The following HDAC4 variants were observed in gnomAD, a reference collection of about 807,000 sequenced individuals.
HDAC4 encodes histone deacetylase A.
HDAC4 carries 16 observed loss-of-function variants against 135.1 expected under a neutral mutation model. The observed-to-expected ratio is 0.12, with a 90% CI of 0.08 to 0.18. HDAC4 has a LOEUF of 0.18. HDAC4 is among the 10% of genes least tolerant of loss of function. HDAC4 has a pLI of 1.00. For missense variants in HDAC4, 1,143 were observed against 1,511.8 expected (o/e 0.76, Z 4.05); for synonymous variants, 685 against 653.4 (o/e 1.05, Z -0.74).
chr2:239,187,367 G>A (rs1322123670), intron 4 of HDAC4, among the ~76,000 whole-genome samples: 1 of 152,204 alleles, frequency 6.6e-6, no homozygotes, highest in Non-Finnish European at 1.5e-5. Flanking sequence ...TTACTTCTAG[G>A]AGTCATAGAA....
At chr2:239,282,289 T>C (rs1257335259) in intron 2 of HDAC4, among the ~76,000 whole-genome samples, 2 of 116,686 alleles carry the variant, frequency 1.7e-5, no homozygotes, top group East Asian at 2.8e-4. Flanking sequence ...CTCTACAATG[T>C]ACACACCACT....
intron 2 of HDAC4, among the ~76,000 whole-genome samples, chr2:239,334,541 A>G (rs1691796818): frequency 6.6e-6 from 1 of 151,974 alleles, no homozygotes; most frequent in Admixed American, 6.6e-5. Flanking sequence ...AATAAAAAAA[A>G]ACTAAGACCT....
intron 1 of HDAC4, among the ~76,000 whole-genome samples, chr2:239,394,455 T>C (rs936244162): frequency 6.6e-6 from 1 of 152,218 alleles, no homozygotes; most frequent in Non-Finnish European, 1.5e-5. Context: ...GCCGGGGCCC[T>C]GGGCGAAGCG....
In HDAC4 at chr2:239,352,878, A is replaced by G; in HGVS notation, c.-179T>C. On this transcript the variant is annotated 5_prime_UTR_variant, in exon 2 of 27. Coordinates refer to ENST00000543185, the MANE Select transcript of HDAC4 (RefSeq NM_001378414.1). The surrounding 1 kb of genome is among the most constrained non-coding windows in gnomAD (Gnocchi z 4.4). ...CAAGGTCTCATGAGCCAGGTAACCCACAAGTTGAACAGAGGCGTCCGCTGG... is the reference window on the plus strand; with the variant it reads ...CAAGGTCTCATGAGCCAGGTAACCCGCAAGTTGAACAGAGGCGTCCGCTGG... 1 of 675,448 alleles carries G rather than the reference A, an allele frequency of 1.5e-6. No individual in the cohort carries two copies. Among genetic ancestry groups the G allele is most frequent in the Non-Finnish European group, 2.7e-6 (1 of 374,856 alleles). 41.8% of individuals were successfully genotyped at this position (675,448 alleles called of 1,614,324 possible).
intron 3 of HDAC4, among the ~76,000 whole-genome samples, chr2:239,235,615 T>G (rs2047843424): frequency 6.6e-6 from 1 of 152,194 alleles, no homozygotes; most frequent in Non-Finnish European, 1.5e-5. Flanking sequence ...AGAGGCTGCA[T>G]GGCTGGGAAG....
At chr2:239,230,491 C>T (rs75529525) in intron 3 of HDAC4, among the ~76,000 whole-genome samples, 2,063 of 151,718 alleles carry the variant, frequency 0.014, 41 homozygotes, top group East Asian at 0.072. Flanking sequence ...GGCATTGATT[C>T]CTCAAAGACA....
rs530888495 is a variant in HDAC4 at position 239,139,219 on chromosome 2, G to A, written c.978+465C>T. Among the ~76,000 whole-genome samples, 2 of 152,346 alleles carry A rather than the reference G, an allele frequency of 1.3e-5. No homozygotes were observed. Among genetic ancestry groups the A allele is most frequent in the African/African-American group, 2.4e-5 (1 of 41,572 alleles). Reference sequence around the variant, plus strand: ...GACACATAGTTTGTTGGCCGACATCGTGTTGTGTATTTCTCAATACAAAAT... The same window carrying A: ...GACACATAGTTTGTTGGCCGACATCATGTTGTGTATTTCTCAATACAAAAT... On this transcript the variant is annotated intron_variant, in intron 9 of 26. Coordinates refer to ENST00000543185, the MANE Select transcript of HDAC4 (RefSeq NM_001378414.1). This position sits in a 1 kb window ranked among gnomAD's most constrained non-coding sequence, Gnocchi z 5.3.
chr2:239,083,344 G>A (rs1338593130), intron 20 of HDAC4, among the ~76,000 whole-genome samples: 3 of 152,184 alleles, frequency 2.0e-5, no homozygotes, highest in South Asian at 2.1e-4. Context: ...CTCCCGGCTC[G>A]CAGGTCCTTG....
At chr2:239,204,254 T>C (rs762969053) in intron 3 of HDAC4, among the ~76,000 whole-genome samples, 3 of 152,164 alleles carry the variant, frequency 2.0e-5, no homozygotes, top group Admixed American at 6.5e-5. Context: ...TGACTGCAGA[T>C]AGACAGCCGA....
chr2:239,323,422 TAAAGA>T (rs1575693709), intron 2 of HDAC4, among the ~76,000 whole-genome samples: 1 of 152,194 alleles, frequency 6.6e-6, no homozygotes, highest in South Asian at 2.1e-4. Flanking sequence ...GGATGTTAAG[TAAAGA>T]AAAGACTACA....
At chr2:239,396,995 G>A (rs1239770076) in intron 1 of HDAC4, among the ~76,000 whole-genome samples, 1 of 152,250 alleles carries the variant, frequency 6.6e-6, no homozygotes, top group African/African-American at 2.4e-5. Flanking sequence ...TCCCACACGT[G>A]ACATAAGACA....
In HDAC4 at chr2:239,331,643, A is replaced by G. The variant is rs1465823060; in HGVS notation, c.22+21035T>C. On this transcript the variant is annotated intron_variant, in intron 2 of 26. Coordinates refer to ENST00000543185, the MANE Select transcript of HDAC4 (RefSeq NM_001378414.1). This position sits in a 1 kb window ranked among gnomAD's most constrained non-coding sequence, Gnocchi z 4.5. Reference sequence around the variant, plus strand: ...TGACACGTCGCCAGGGCTGCACTGGACCCACCGTGCGGGGACTGCCAGGTA... The same window carrying G: ...TGACACGTCGCCAGGGCTGCACTGGGCCCACCGTGCGGGGACTGCCAGGTA... Among the ~76,000 whole-genome samples, 1 of 152,078 alleles carries G rather than the reference A, an allele frequency of 6.6e-6. No individual in the cohort carries two copies. The highest frequency in any genetic ancestry group is 1.5e-5 in the Non-Finnish European group (1 of 68,000).
chr2:239,320,330 C>T (rs1054433308), intron 2 of HDAC4, among the ~76,000 whole-genome samples: 2 of 141,662 alleles, frequency 1.4e-5, no homozygotes, highest in African/African-American at 2.6e-5. Context: ...TGCAGTGAGT[C>T]GAGATCGCAC....
chr2:239,378,210 G>A lies in HDAC4; in HGVS notation c.-220+22768C>T, dbSNP rs1434534200. On this transcript the variant is annotated intron_variant, in intron 1 of 26. Coordinates refer to ENST00000543185, the MANE Select transcript of HDAC4 (RefSeq NM_001378414.1). ...CGTCTGTCGAAGAGCAGCCCAGTGG[G>A]CATCCGTGACAGCTTGGGGACTTCC... Among the ~76,000 whole-genome samples, 4 of 152,222 alleles carry A rather than the reference G, an allele frequency of 2.6e-5. No homozygotes were observed. In the East Asian group the frequency reaches 5.9e-4, roughly 22 times the overall value.
At chr2:239,273,042 G>A (rs10201558) in intron 2 of HDAC4, among the ~76,000 whole-genome samples, 4,184 of 152,210 alleles carry the variant, frequency 0.027, 205 homozygotes, top group African/African-American at 0.095. Flanking sequence ...CCTCATTCCC[G>A]GAACCTAGAA....
intron 4 of HDAC4, among the ~76,000 whole-genome samples, chr2:239,180,223 C>G (rs1367259755): frequency 3.9e-5 from 6 of 152,116 alleles, no homozygotes; most frequent in Non-Finnish European, 2.9e-5. Flanking sequence ...AGCCCCCGGG[C>G]ACCCAGCACA....
chr2:239,349,774 G>A lies in HDAC4; in HGVS notation c.22+2904C>T, dbSNP rs1470523119. On this transcript the variant is annotated intron_variant, in intron 2 of 26. Coordinates refer to ENST00000543185, the MANE Select transcript of HDAC4 (RefSeq NM_001378414.1). This position sits in a 1 kb window ranked among gnomAD's most constrained non-coding sequence, Gnocchi z 5.7. ...GAAAGATGACAGCGGACAGGGCAGA[G>A]GAGGCAGCCAGCAGACTTCAGGCCC... Among the ~76,000 whole-genome samples, 1 of 152,244 alleles carries A rather than the reference G, an allele frequency of 6.6e-6. No individual in the cohort carries two copies. Among genetic ancestry groups the A allele is most frequent in the Non-Finnish European group, 1.5e-5 (1 of 68,040 alleles).
intron 6 of HDAC4, chr2:239,162,239 G>A (rs942988120): frequency 6.6e-6 from 3 of 456,426 alleles, no homozygotes; most frequent in East Asian, 7.0e-5. Flanking sequence ...CTCAAAGCTC[G>A]CTTGCTCGGC....
chr2:239,343,255 C>T (rs556016623), intron 2 of HDAC4, among the ~76,000 whole-genome samples: 3 of 152,294 alleles, frequency 2.0e-5, no homozygotes, highest in African/African-American at 4.8e-5. Flanking sequence ...GCCATGTTCT[C>T]ATGAAATAAA....
Sources: gnomAD v4.1 joint callset for allele counts (sites outside exome capture counted in the v4.1 genomes callset) on GRCh38, gnomAD v4.1.1 for gene constraint, Gnocchi (gnomAD v3.1) non-coding constraint, MANE v1.5 for transcripts, NCBI Gene and HGNC (gene_info 2026-07-23, HGNC 2026-07-21) for gene names.